The following SNTG1 variants were observed in gnomAD, a reference collection of about 807,000 sequenced individuals.
The protein encoded by SNTG1 is syntrophin gamma 1, also known as gamma-1-syntrophin.
In SNTG1, 39 loss-of-function variants were observed where a neutral mutation model predicts 74.7. The observed-to-expected ratio is 0.52, with a 90% CI of 0.40 to 0.68. The LOEUF is 0.68. Ranked by LOEUF, SNTG1 falls within the 30% of genes least tolerant of loss-of-function variation. SNTG1 has a pLI of 0.00. For missense variants in SNTG1, 685 were observed against 609.5 expected, an observed-to-expected ratio of 1.12 and a Z score of -1.30; for synonymous variants, 254 against 217.1, an observed-to-expected ratio of 1.17 and a Z score of -1.49.
chr8:50,090,551 G>C (rs1354534058), intron 1 of SNTG1, among the ~76,000 whole-genome samples: 1 of 152,108 alleles, frequency 6.6e-6, no homozygotes, highest in Admixed American at 6.6e-5. Context: ...ACCAGCTCAG[G>C]TCAAGGTCTA....
intron 16 of SNTG1, among the ~76,000 whole-genome samples, chr8:50,706,316 C>G (rs1001823876): frequency 3.3e-5 from 5 of 152,008 alleles, no homozygotes; most frequent in African/African-American, 9.7e-5. Flanking sequence ...TGATTTTATT[C>G]TGAGTCAAGA....
intron 1 of SNTG1, among the ~76,000 whole-genome samples, chr8:50,067,751 T>C (rs547647625): frequency 6.6e-6 from 1 of 152,242 alleles, no homozygotes; most frequent in South Asian, 2.1e-4. Context: ...TGAGCTCTTG[T>C]AGATGCTGCT....
chr8:50,740,708 T>G (rs2095541231), intron 17 of SNTG1, among the ~76,000 whole-genome samples: 1 of 152,116 alleles, frequency 6.6e-6, no homozygotes, highest in South Asian at 2.1e-4. Flanking sequence ...ACTGCAGCAC[T>G]GTTCACAATA....
intron 2 of SNTG1, among the ~76,000 whole-genome samples, chr8:50,334,257 T>G (rs996676000): frequency 6.6e-6 from 1 of 152,180 alleles, no homozygotes; most frequent in Non-Finnish European, 1.5e-5. Flanking sequence ...CCCCCTTGAA[T>G]TCAGCCTCTT....
chr8:50,642,757 T>G (rs2131181708), intron 13 of SNTG1, among the ~76,000 whole-genome samples: 1 of 152,250 alleles, frequency 6.6e-6, no homozygotes, highest in African/African-American at 2.4e-5. Flanking sequence ...TTCCTTGATT[T>G]ATTTATTTAT....
At chr8:50,376,466 A>G (rs2092383480) in intron 2 of SNTG1, among the ~76,000 whole-genome samples, 1 of 151,948 alleles carries the variant, frequency 6.6e-6, no homozygotes, top group South Asian at 2.1e-4. Context: ...ATCCTTGAGG[A>G]AAAGTCAGTG....
At chr8:50,339,377 A>G (rs1422043588) in intron 2 of SNTG1, among the ~76,000 whole-genome samples, 1 of 151,994 alleles carries the variant, frequency 6.6e-6, no homozygotes, top group Admixed American at 6.6e-5. Context: ...AAAAATAAAT[A>G]AAAACAAGAT....
chr8:50,754,285 A>G (rs1264273027), intron 18 of SNTG1, among the ~76,000 whole-genome samples: 4 of 151,998 alleles, frequency 2.6e-5, no homozygotes, highest in Non-Finnish European at 5.9e-5. Context: ...TATAGTGGCT[A>G]CAGAATATAG....
intron 15 of SNTG1, among the ~76,000 whole-genome samples, chr8:50,675,770 T>C (rs1175004853): frequency 6.6e-6 from 1 of 152,078 alleles, no homozygotes; most frequent in Non-Finnish European, 1.5e-5. Flanking sequence ...CTTTATATTT[T>C]GGTGTGTTTT....
chr8:50,285,700 T>C, intron 2 of SNTG1, among the ~76,000 whole-genome samples: 1 of 151,930 alleles, frequency 6.6e-6, no homozygotes. Context: ...TGGCGACTTC[T>C]GGACAGAAAT....
chr8:50,512,887 T>G (rs973770206), intron 9 of SNTG1, among the ~76,000 whole-genome samples: 1 of 151,716 alleles, frequency 6.6e-6, no homozygotes, highest in Non-Finnish European at 1.5e-5. Flanking sequence ...TGGAGTAGTT[T>G]GATCATCTGA....
chr8:50,083,347 A>G (rs1461320253), intron 1 of SNTG1, among the ~76,000 whole-genome samples: 1 of 152,226 alleles, frequency 6.6e-6, no homozygotes, highest in Non-Finnish European at 1.5e-5. Flanking sequence ...AAATGCTTAT[A>G]TAAAAAGCTA....
intron 11 of SNTG1, among the ~76,000 whole-genome samples, chr8:50,539,922 T>C (rs1563544979): frequency 6.6e-6 from 1 of 152,222 alleles, no homozygotes; most frequent in Non-Finnish European, 1.5e-5. Context: ...TACAGATTTT[T>C]ATTGGAGGCT....
intron 12 of SNTG1, 99 bp downstream of exon 12, chr8:50,553,278 T>C (rs1317551199): frequency 7.6e-6 from 11 of 1,449,812 alleles, no homozygotes; most frequent in Non-Finnish European, 1.0e-5. Flanking sequence ...GGTGTTCTTC[T>C]CAGAATGAGA....
At chr8:50,543,371 A>T (rs1222243384) in intron 11 of SNTG1, among the ~76,000 whole-genome samples, 4 of 152,100 alleles carry the variant, frequency 2.6e-5, no homozygotes, top group Non-Finnish European at 1.5e-5. Context: ...GTTGAATGTG[A>T]GTTGGCTGTT....
intron 13 of SNTG1, among the ~76,000 whole-genome samples, chr8:50,647,425 A>G (rs1233625077): frequency 4.6e-5 from 7 of 151,870 alleles, no homozygotes; most frequent in African/African-American, 1.2e-4. Context: ...TCATGAAAAA[A>G]ATACACACAC....
intron 3 of SNTG1, among the ~76,000 whole-genome samples, chr8:50,398,766 C>G (rs938830850): frequency 2.6e-5 from 4 of 152,102 alleles, no homozygotes; most frequent in African/African-American, 9.7e-5. Flanking sequence ...CCCGTCTCTA[C>G]TAAAAATACA....
At chr8:50,499,098 G>T (rs1478814172) in intron 8 of SNTG1, among the ~76,000 whole-genome samples, 1 of 151,532 alleles carries the variant, frequency 6.6e-6, no homozygotes, top group African/African-American at 2.4e-5. Flanking sequence ...GGTTATCCTG[G>T]ATTTTTTAAA....
chr8:50,569,148 T>C (rs1375564147), intron 12 of SNTG1: 2 of 152,332 alleles, frequency 1.3e-5, no homozygotes, highest in East Asian at 1.9e-4. Context: ...TCCTCTGTAG[T>C]GCCATATGAC....
Sources: allele counts gnomAD v4.1 joint callset (sites outside exome capture counted in the v4.1 genomes callset), GRCh38; gene constraint gnomAD v4.1.1; transcripts MANE v1.5; gene names NCBI Gene and HGNC (gene_info 2026-07-23, HGNC 2026-07-21).